The following ARCN1 variants were observed in gnomAD, a reference collection of about 807,000 sequenced individuals.
ARCN1 encodes the protein coatomer subunit delta.
Under a neutral mutation model 60.4 loss-of-function variants are expected in ARCN1, and 5 were observed. The observed-to-expected ratio is 0.08, with a 90% CI of 0.04 to 0.17. ARCN1 has a LOEUF of 0.17. ARCN1 is among the 10% of genes least tolerant of loss of function. ARCN1 has a pLI of 1.00. For missense variants in ARCN1, 464 were observed against 626.5 expected (o/e 0.74, Z 2.77); for synonymous variants, 224 against 220.0 (o/e 1.02, Z -0.16).
chr11:118,588,331 G>A (rs1381464586), intron 5 of ARCN1, among the ~76,000 whole-genome samples: 1 of 152,178 alleles, frequency 6.6e-6, no homozygotes, highest in East Asian at 1.9e-4. Flanking sequence ...GGTGAAAGGA[G>A]GGCAGGAGAA....
Position 118,583,904 on chromosome 11 carries a change from A to AGGATTTGGC in ARCN1, c.553_561dup (p.Gly185_Gly187dup), listed in dbSNP as rs1196451798. 6 of 1,614,266 alleles carry AGGATTTGGC rather than the reference A, an allele frequency of 3.7e-6. No homozygotes were observed. Among genetic ancestry groups the AGGATTTGGC allele is most frequent in the Non-Finnish European group, 5.1e-6 (6 of 1,180,048 alleles). On this transcript the variant is annotated inframe_insertion, in exon 4 of 10. Transcript: ENST00000264028. ...CAGAGAGACAGGGCAAAAAAGCACC[A>AGGATTTGGC]GGATTTGGCGGATTTGGCAGCTCTG...
At chr11:118,578,836 AAT>A (rs1172729756) in intron 1 of ARCN1, among the ~76,000 whole-genome samples, 3 of 142,520 alleles carry the variant, frequency 2.1e-5, no homozygotes, top group African/African-American at 7.9e-5. Flanking sequence ...TTAGCCCAGG[AAT>A]TTGTAGCCTG....
Position 118,602,648 on chromosome 11 carries a change from A to G in ARCN1, c.*1934A>G, listed in dbSNP as rs1555078355. ...TTCTTATCTCTAGCTTGGTTTCCAC[A>G]TGAGGTTTTTCTGAGAAGGGCTTGG... is the stretch of plus-strand genomic sequence containing the variant. On this transcript the variant is annotated 3_prime_UTR_variant, in exon 10 of 10. Transcript: ENST00000264028. 1 of 153,740 alleles carries G rather than the reference A, an allele frequency of 6.5e-6. No homozygotes were observed. Among genetic ancestry groups the G allele is most frequent in the African/African-American group, 2.4e-5 (1 of 41,440 alleles). The allele number at this position is 153,740 out of a possible 1,614,324, so 9.5% of individuals were successfully genotyped here.
At chr11:118,599,289 C>T (rs2135558434) in intron 9 of ARCN1, among the ~76,000 whole-genome samples, 1 of 152,158 alleles carries the variant, frequency 6.6e-6, no homozygotes, top group African/African-American at 2.4e-5. Context: ...GACGGTATTT[C>T]ACCATGTTGG....
chr11:118,590,260 G>A, intron 5 of ARCN1, 81 bp from the exon 6 acceptor site: 6 of 1,235,460 alleles, frequency 4.9e-6, no homozygotes, highest in Non-Finnish European at 6.8e-6. Context: ...CTCCCAAAGT[G>A]CTGGGGTTAT....
chr11:118,576,297 G>A (rs1555073554), intron 1 of ARCN1, among the ~76,000 whole-genome samples: 1 of 151,020 alleles, frequency 6.6e-6, no homozygotes, highest in African/African-American at 2.4e-5. Context: ...CTTTATGAGG[G>A]AATTTTTTTT....
chr11:118,575,117 T>TA (rs1208713609), intron 1 of ARCN1, among the ~76,000 whole-genome samples: 3 of 152,152 alleles, frequency 2.0e-5, no homozygotes, highest in Admixed American at 6.6e-5. Context: ...TAGCTGGGAC[T>TA]GCAGGCGCCT....
intron 1 of ARCN1, among the ~76,000 whole-genome samples, chr11:118,576,338 C>G (rs1393513939): frequency 7.3e-6 from 1 of 137,894 alleles, no homozygotes; most frequent in Non-Finnish European, 1.5e-5. Flanking sequence ...GATCATCTAA[C>G]TTATGGGCCC....
Position 118,584,620 on chromosome 11 carries a change from A to G in ARCN1, c.794A>G (p.His265Arg), listed in dbSNP as rs541873126. ...GKRTSEATKMHAPPINMESVH... is the reference protein window; with the variant it reads ...GKRTSEATKMRAPPINMESVH... ...CGTACTTCTGAAGCAACCAAAATGC[A>G]TGCTCCACCCATTAATATGGAAAGG... The change falls in exon 5 of 10, where the codon CAT becomes CGT. Residue 265 changes from histidine to arginine, a missense_variant. Transcript: ENST00000264028. 2 of 1,609,498 alleles carry G rather than the reference A, an allele frequency of 1.2e-6. No homozygotes were observed. The highest frequency in any genetic ancestry group is 1.3e-5 in the African/African-American group (1 of 74,818).
At chr11:118,591,418 GTCTC>G (rs1205725874) in intron 6 of ARCN1, among the ~76,000 whole-genome samples, 3 of 152,206 alleles carry the variant, frequency 2.0e-5, no homozygotes, top group African/African-American at 7.2e-5. Flanking sequence ...CTGAGATGGA[GTCTC>G]TCTCTGTTGC....
intron 9 of ARCN1, among the ~76,000 whole-genome samples, chr11:118,598,488 ATTTTTTTTTTTTTTT>A (rs1174732773): frequency 1.8e-5 from 2 of 111,132 alleles, no homozygotes; most frequent in African/African-American, 7.0e-5. Flanking sequence ...GTTCCTTCGG[ATTTTTTTTTTTTTTT>A]TTTTTTTTGA....
chr11:118,576,426 TAAAAAAAA>T (rs10671866), intron 1 of ARCN1, among the ~76,000 whole-genome samples: 1,165 of 108,796 alleles, frequency 0.011, 21 homozygotes, highest in African/African-American at 0.038. Flanking sequence ...CCAAAAATGT[TAAAAAAAA>T]AAAAAAAAAA....
intron 1 of ARCN1, among the ~76,000 whole-genome samples, chr11:118,574,998 G>C (rs1031223255): frequency 4.0e-5 from 6 of 151,818 alleles, no homozygotes; most frequent in African/African-American, 1.5e-4. Flanking sequence ...TTTGGTTTTC[G>C]AGACGGATTC....
At chr11:118,591,229 C>T (rs1008332594) in intron 6 of ARCN1, among the ~76,000 whole-genome samples, 19 of 152,146 alleles carry the variant, frequency 1.2e-4, no homozygotes, top group African/African-American at 3.9e-4. Context: ...TTCATTTAGC[C>T]GACATCTCGT....
At position 118,581,362 on chromosome 11, in the gene ARCN1, G is replaced by A. The variant is rs782792709; in HGVS notation, c.120G>A (p.Met40Ile). ...EGLLAAFPKL[M>I]NTGKQHTFVE... is the part of the protein sequence containing the mutation. ...TATTAGCAGCTTTTCCAAAGCTCAT[G>A]AACACTGGAAAACAACATACGTTTG... is the stretch of plus-strand genomic sequence containing the variant. The change falls in exon 2 of 10, where the codon ATG becomes ATA. Residue 40 changes from methionine (M) to isoleucine (I), a missense_variant. By Grantham distance (10) the Met-to-Ile change is conservative. This residue lies in a region of ARCN1 where 105 missense variants were observed against 186.3 expected (regional missense o/e 0.56). Transcript: ENST00000264028. 23 of 1,614,076 alleles carry A rather than the reference G, an allele frequency of 1.4e-5. No homozygotes were observed. The highest frequency in any genetic ancestry group is 1.9e-5 in the Non-Finnish European group (22 of 1,180,054).
chr11:118,589,195 A>T (rs1938842062), intron 5 of ARCN1, among the ~76,000 whole-genome samples: 1 of 152,224 alleles, frequency 6.6e-6, no homozygotes, highest in South Asian at 2.1e-4. Context: ...CAGGGAAAAA[A>T]AATCAAATGT....
At chr11:118,581,088 C>T (rs1555074462) in intron 1 of ARCN1, among the ~76,000 whole-genome samples, 158 bp from the exon 2 acceptor site, 1 of 152,156 alleles carries the variant, frequency 6.6e-6, no homozygotes, top group Non-Finnish European at 1.5e-5. Flanking sequence ...CCATTGCACT[C>T]CGGCATGGGT....
chr11:118,593,661 T>A lies in ARCN1; in HGVS notation c.1204T>A (p.Leu402Ile). The A allele has an allele frequency of 6.2e-7, 1 of 1,613,558 alleles. No homozygotes were observed. The highest frequency in any genetic ancestry group is 8.5e-7 in the Non-Finnish European group (1 of 1,179,578). The change falls in exon 8 of 10, where the codon TTA (leucine) becomes ATA (isoleucine). Residue 402 changes from leucine (L) to isoleucine (I), a missense_variant. By Grantham distance (5) the Leu-to-Ile change is conservative. Around this residue, in one of 2 missense-constraint regions of ARCN1, gnomAD observed 359 missense variants for 440.2 expected, o/e 0.82. Transcript: ENST00000264028. ...NIEYELQEDN[L>I]ELNDVVITIP... ...AGAATATGAGCTACAAGAAGATAAT[T>A]TAGAACTGAATGATGTGGTTATCAC...
intron 8 of ARCN1, among the ~76,000 whole-genome samples, chr11:118,595,613 A>G (rs1939008561): frequency 1.3e-5 from 2 of 152,200 alleles, no homozygotes; most frequent in Admixed American, 6.5e-5. Context: ...TTTTAGTAAC[A>G]TTTACAGTGA....
Sources: gnomAD v4.1 joint callset for allele counts (sites outside exome capture counted in the v4.1 genomes callset) on GRCh38, gnomAD v4.1.1 for gene constraint, gnomAD v4.1.1 regional missense constraint, MANE v1.5 for transcripts, NCBI Gene and HGNC (gene_info 2026-07-23, HGNC 2026-07-21) for gene names.